TTN: variants seen among roughly 807,000 people sequenced by gnomAD.
TTN encodes the protein connectin.
A neutral mutation model predicts 3,223.0 loss-of-function variants in TTN; 1,525 were observed. That is an observed-to-expected ratio of 0.47 (90% CI 0.45 to 0.49). The LOEUF is 0.49. Ranked by LOEUF, TTN falls within the 20% of genes least tolerant of loss-of-function variation. The pLI, the probability that TTN is intolerant of heterozygous loss-of-function variation, is 0.00. For missense variants in TTN, 40,786 were observed against 43,424.0 expected, an observed-to-expected ratio of 0.94 and a Z score of 5.40; for synonymous variants, 14,094 against 15,161.0, an observed-to-expected ratio of 0.93 and a Z score of 5.17.
Position 178,633,256 on chromosome 2 carries a change from T to A in TTN, c.43017A>T (p.Glu14339Asp), listed in dbSNP as rs1353557766. The A allele has an allele frequency of 6.2e-7, 1 of 1,613,238 alleles. No individual in the cohort carries two copies. The highest frequency in any genetic ancestry group is 8.5e-7 in the Non-Finnish European group (1 of 1,179,526). Residue 14339 changes from glutamate (E) to aspartate (D), a missense_variant, in exon 233 of 363, where the codon GAA (glutamate) becomes GAT (aspartate). Physicochemically the swap from Glu to Asp is conservative, Grantham distance 45. Transcript: ENST00000589042. ...EVFVGETAHF[E>D]IELSEPDVHG... is the part of the protein sequence containing the mutation. ...GAACATCAGGTTCAGAAAGTTCAAT[T>A]TCAAAGTGGGCTGTTTCACCAACAA...
In TTN at chr2:178,539,549, G is replaced by C; in HGVS notation, c.98516C>G (p.Pro32839Arg). ...LGYILERREV[P>R]KAAWYTIDSR... is the part of the protein sequence containing the mutation. ...ATCAATGGTATACCAGGCGGCTTTA[G>C]GCACTTCTCGTCTCTCGAGGATGTA... The change falls in exon 352 of 363, where the codon CCT becomes CGT. Residue 32839 changes from proline (P) to arginine (R), a missense_variant. Coordinates refer to ENST00000589042, the MANE Select transcript of TTN (RefSeq NM_001267550.2). 1 of 1,613,762 alleles carries C rather than the reference G, an allele frequency of 6.2e-7. No homozygotes were observed. Among genetic ancestry groups the C allele is most frequent in the Non-Finnish European group, 8.5e-7 (1 of 1,179,762 alleles).
rs367621583 is a variant in TTN, at chr2:178,773,306, T to G, written c.7658A>C (p.Glu2553Ala). The change falls in exon 33 of 363, where the codon GAG (glutamate) becomes GCG (alanine). Residue 2553 changes from glutamate (E) to alanine (A), a missense_variant. Coordinates refer to ENST00000589042, the MANE Select transcript of TTN (RefSeq NM_001267550.2). ...AATTCCAGAGTGGGACAGCTCAACC[T>G]CAAACACCACATTTTGAGTTTCTGT... is the stretch of plus-strand genomic sequence containing the variant. The part of the protein sequence containing the change: ...TCTETQNVVF[E>A]VELSHSGIDV... 2 of 1,613,810 alleles carry G rather than the reference T, an allele frequency of 1.2e-6. No individual in the cohort carries two copies.
At chr2:178,678,673 A>G (rs2068645247) in intron 143 of TTN, 74 bp downstream of exon 143, 1 of 1,409,756 alleles carries the variant, frequency 7.1e-7, no homozygotes, top group Non-Finnish European at 9.8e-7. Flanking sequence ...CAAAGAGTAC[A>G]GAATTAAACC....
Position 178,782,526 on chromosome 2 carries a change from C to G in TTN, c.3164+13G>C, listed in dbSNP as rs750352603. 9.9e-6 allele frequency: 16 copies of G among 1,613,768 alleles called. No individual in the cohort carries two copies. Among genetic ancestry groups the G allele is most frequent in the Non-Finnish European group, 1.4e-5 (16 of 1,179,908 alleles). The stretch of plus-strand genomic sequence containing the variant: ...TGGTACTAGAACAGCTACTAATTAG[C>G]AAAATATTTTACCGTTTCTCTTCTG... On this transcript the variant is annotated intron_variant, in intron 19 of 362. Coordinates refer to ENST00000589042, the MANE Select transcript of TTN (RefSeq NM_001267550.2).
At chr2:178,719,038 G>T in intron 83 of TTN, 65 bp from the exon 84 acceptor site, 4 of 1,517,770 alleles carry the variant, frequency 2.6e-6, no homozygotes, top group Non-Finnish European at 3.5e-6. Flanking sequence ...AAGTGCTTTT[G>T]CTCCTTAAAA....
intron 44 of TTN, 49 bp downstream of exon 44, chr2:178,758,935 A>T: frequency 6.5e-7 from 1 of 1,542,772 alleles, no homozygotes; most frequent in Non-Finnish European, 9.0e-7. Context: ...AGACATTGTT[A>T]AGATTCGATC....
rs370118111 is a variant in TTN at position 178,599,586 on chromosome 2, G to A, written c.56315C>T (p.Thr18772Ile). The change falls in exon 289 of 363, where the codon ACA (threonine) becomes ATA (isoleucine). Residue 18772 changes from threonine (T) to isoleucine (I), a missense_variant. Physicochemically the swap from Thr to Ile is moderately conservative, Grantham distance 89. Transcript: ENST00000589042. Reference protein sequence around the residue: ...YTITAVNNLGTASKEMRLNVL... With the variant: ...YTITAVNNLGIASKEMRLNVL... ...ATTCAGTCTCATCTCCTTTGATGCT[G>A]TTCCCAGATTATTTACAGCTGTGAT... The A allele has an allele frequency of 9.4e-6, 15 of 1,594,976 alleles. No homozygotes were observed. The Admixed American group carries it at 1.4e-4, about 15-fold the overall frequency.
intron 319 of TTN, 44 bp from the exon 320 acceptor site, chr2:178,579,437 G>A (rs1444825736): frequency 3.9e-6 from 6 of 1,558,060 alleles, no homozygotes; most frequent in East Asian, 2.3e-5. Context: ...TTAAGGCCAG[G>A]CGATTAACTT....
At chr2:178,730,011 G>A in intron 62 of TTN, 66 bp from the exon 63 acceptor site, 1 of 1,595,690 alleles carries the variant, frequency 6.3e-7, no homozygotes, top group Non-Finnish European at 8.5e-7. Flanking sequence ...CAAAACTGCT[G>A]TCTTAAGCGT....
intron 23 of TTN, 42 bp downstream of exon 23, chr2:178,779,187 C>T (rs1387255845): frequency 6.2e-7 from 1 of 1,612,900 alleles, no homozygotes; most frequent in Admixed American, 1.7e-5. Context: ...CAATTTGTAT[C>T]TTTACTGTGG....
Position 178,641,266 on chromosome 2 carries a change from T to G in TTN, c.40608A>C (p.Lys13536Asn), listed in dbSNP as rs2061197701. 6.6e-7 allele frequency: 1 copy of G among 1,511,724 alleles called. No homozygotes were observed. Among genetic ancestry groups the G allele is most frequent in the African/African-American group, 1.4e-5 (1 of 69,826 alleles). The allele number at this position is 1,511,724 out of a possible 1,614,324, so 93.6% of individuals were successfully genotyped here. A position where few individuals can be genotyped will look rare whatever the true frequency, so the allele number is the denominator to read the frequency against. Residue 13536 changes from lysine to asparagine, a missense_variant, in exon 220 of 363, where the codon AAA (lysine) becomes AAC (asparagine). Coordinates refer to ENST00000589042, the MANE Select transcript of TTN (RefSeq NM_001267550.2). ...CTGCAGGTTTTTTAACTTTTTCTAG[T>G]TTTTTAGGTTCTACTTTAGGTTCTT... ...EEEEPKVEPK[K>N]LEKVKKPAVP...
At chr2:178,797,932 G>C (rs1053141506) in intron 6 of TTN, among the ~76,000 whole-genome samples, 1 of 151,790 alleles carries the variant, frequency 6.6e-6, no homozygotes, top group South Asian at 2.1e-4. Flanking sequence ...TAAATAGTGA[G>C]AGGCAGAGGT....
intron 119 of TTN, among the ~76,000 whole-genome samples, chr2:178,693,408 A>G (rs988859102): frequency 1.3e-5 from 2 of 152,030 alleles, no homozygotes; most frequent in African/African-American, 4.8e-5. Context: ...CAGGGAATGG[A>G]GCCTCCCATA....
At chr2:178,612,666 T>A (rs2056558316) in intron 265 of TTN, 90 bp from the exon 266 acceptor site, 3 of 1,534,256 alleles carry the variant, frequency 2.0e-6, no homozygotes, top group Non-Finnish European at 2.6e-6. Flanking sequence ...AGAAGTAATG[T>A]AGCCAGGAGG....
Position 178,649,239 on chromosome 2 carries a change from G to A in TTN, c.40057+9C>T, listed in dbSNP as rs181316033. 72 of 1,496,740 alleles carry A rather than the reference G, an allele frequency of 4.8e-5. 1 individual carries two copies. The highest frequency in any genetic ancestry group is 3.5e-4 in the Middle Eastern group (2 of 5,778). The allele number at this position is 1,496,740 out of a possible 1,614,324, so 92.7% of individuals were successfully genotyped here. ...TTAGAGAAATCTATTTTTTCTTCATGGTAGGTACCTTTTTCTGGAAGAACT... is the reference window on the plus strand; with the variant it reads ...TTAGAGAAATCTATTTTTTCTTCATAGTAGGTACCTTTTTCTGGAAGAACT... On this transcript the variant is annotated intron_variant, in intron 213 of 362. Coordinates refer to ENST00000589042, the MANE Select transcript of TTN (RefSeq NM_001267550.2).
intron 44 of TTN, among the ~76,000 whole-genome samples, chr2:178,758,143 G>C (rs1370976570): frequency 6.6e-6 from 1 of 152,086 alleles, no homozygotes; most frequent in Non-Finnish European, 1.5e-5. Context: ...TCACTACATT[G>C]TTCATGAAGG....
chr2:178,739,335 T>A lies in TTN; in HGVS notation c.13898A>T (p.Lys4633Ile), dbSNP rs555756236. 4.0e-5 allele frequency: 64 copies of A among 1,613,816 alleles called. 1 individual carries two copies. In the East Asian group the frequency reaches 1.4e-3, roughly 36 times the overall value. ...VHLTTSITNA[K>I]EVNWYFENKL... is the part of the protein sequence containing the mutation. ...ATTCTCAAAATACCAATTCACCTCT[T>A]TAGCATTTGTTATGGATGTTGTGAG... Residue 4633 changes from lysine to isoleucine, a missense_variant, in exon 48 of 363, where the codon AAA (lysine) becomes ATA (isoleucine). By Grantham distance (102) the Lys-to-Ile change is moderately radical. Coordinates refer to ENST00000589042, the MANE Select transcript of TTN (RefSeq NM_001267550.2).
Position 178,644,582 on chromosome 2 carries a change from C to A in TTN, c.40443G>T (p.Gln13481His). ...GTGTAAGCTCCACTTTTTCTGGAAC[C>A]TGAGGTTTTTCAGGAACTTTCTTCT... ...IPKKKVPEKP[Q>H]VPEKVELTPL... Residue 13481 changes from glutamine to histidine, a missense_variant, in exon 218 of 363, where the codon CAG (glutamine) becomes CAT (histidine). Gln to His is a conservative substitution (Grantham distance 24, BLOSUM62 0). Coordinates refer to ENST00000589042, the MANE Select transcript of TTN (RefSeq NM_001267550.2). 6.3e-7 allele frequency: 1 copy of A among 1,579,184 alleles called. No homozygotes were observed. The highest frequency in any genetic ancestry group is 2.3e-5 in the East Asian group (1 of 43,116).
rs1421628949 is a variant in TTN, at chr2:178,570,684, G to C, written c.75448C>G (p.Gln25150Glu). Residue 25150 changes from glutamine to glutamate, a missense_variant, in exon 326 of 363, where the codon CAG becomes GAG. Coordinates refer to ENST00000589042, the MANE Select transcript of TTN (RefSeq NM_001267550.2). ...IPTIQWIKGD[Q>E]ELSNTARLEI... ...AATCGAGCTGTGTTTGAAAGCTCCT[G>C]ATCACCTTTTATCCACTGAATGGTT... 3.1e-6 allele frequency: 5 copies of C among 1,613,336 alleles called. No homozygotes were observed. Among genetic ancestry groups the C allele is most frequent in the Admixed American group, 1.7e-5 (1 of 59,962 alleles).
Sources: allele counts gnomAD v4.1 joint callset (sites outside exome capture counted in the v4.1 genomes callset), GRCh38; gene constraint gnomAD v4.1.1; transcripts MANE v1.5; gene names NCBI Gene and HGNC (gene_info 2026-07-23, HGNC 2026-07-21).